KCNIP3: variants seen among roughly 807,000 people sequenced by gnomAD.
KCNIP3 encodes potassium voltage-gated channel interacting protein 3.
Under a neutral mutation model 35.0 loss-of-function variants are expected in KCNIP3, and 28 were observed. The ratio of observed to expected loss-of-function variants is 0.80; its 90% CI spans 0.59 to 1.10. The LOEUF (loss-of-function observed/expected upper bound fraction) is 1.10, where lower values mean the gene tolerates loss of function less well. Among genes scored for constraint, KCNIP3 ranks in the 50% least tolerant of loss-of-function variants. The probability of loss-of-function intolerance (pLI) is 0.00; values close to 1 mark genes in which losing one functional copy is unlikely to be tolerated. For synonymous variants in KCNIP3, 134 were observed against 133.8 expected, an observed-to-expected ratio of 1.00 and a Z score of -0.01; for missense variants, 295 against 338.4, an observed-to-expected ratio of 0.87 and a Z score of 1.01.
intron 1 of KCNIP3, among the ~76,000 whole-genome samples, chr2:95,299,338 G>A (rs1677960119): frequency 6.6e-6 from 1 of 152,212 alleles, no homozygotes; most frequent in Non-Finnish European, 1.5e-5. Context: ...ATGGGAGATT[G>A]TGAAAAATAA....
chr2:95,298,156 C>T (rs1677922926), intron 1 of KCNIP3, among the ~76,000 whole-genome samples: 1 of 152,210 alleles, frequency 6.6e-6, no homozygotes, highest in Admixed American at 6.5e-5. Flanking sequence ...TAAGCTGGCC[C>T]TCCAGCCTCT....
chr2:95,358,125 G>A (rs1213321579), intron 2 of KCNIP3, among the ~76,000 whole-genome samples: 22 of 152,138 alleles, frequency 1.4e-4, no homozygotes, highest in Admixed American at 9.8e-4. Context: ...ACATAGGCTC[G>A]AGAGGTTTTT....
At chr2:95,326,054 CACAT>C (rs959593519) in intron 2 of KCNIP3, among the ~76,000 whole-genome samples, 8 of 151,704 alleles carry the variant, frequency 5.3e-5, no homozygotes, top group Middle Eastern at 3.4e-3. Flanking sequence ...TATACACACA[CACAT>C]ACACATTCAC....
chr2:95,370,551 A>T (rs1320027092), intron 2 of KCNIP3, among the ~76,000 whole-genome samples: 1 of 152,158 alleles, frequency 6.6e-6, no homozygotes, highest in Admixed American at 6.5e-5. Context: ...GGCCAGTTGT[A>T]TATCTTTTTT....
At chr2:95,354,320 G>A (rs1679600402) in intron 2 of KCNIP3, among the ~76,000 whole-genome samples, 1 of 152,224 alleles carries the variant, frequency 6.6e-6, no homozygotes, top group South Asian at 2.1e-4. Flanking sequence ...GCAAGCATCG[G>A]GTGTTCAGTA....
At chr2:95,310,559 G>A (rs1234715037) in intron 2 of KCNIP3, 39 bp downstream of exon 2, 6 of 1,605,920 alleles carry the variant, frequency 3.7e-6, no homozygotes, top group Non-Finnish European at 5.1e-6. Flanking sequence ...GGTGGGGGTG[G>A]GGAGATCTGT....
chr2:95,338,161 T>C (rs1318343395), intron 2 of KCNIP3, among the ~76,000 whole-genome samples: 1 of 152,202 alleles, frequency 6.6e-6, no homozygotes, highest in East Asian at 1.9e-4. Context: ...AGCATGTCAC[T>C]GTGGCACTGC....
chr2:95,302,580 C>T (rs1307755879), intron 1 of KCNIP3, among the ~76,000 whole-genome samples: 2 of 152,238 alleles, frequency 1.3e-5, no homozygotes, highest in Non-Finnish European at 1.5e-5. Flanking sequence ...GGGCGAGGAA[C>T]ACTGACTCTC....
intron 2 of KCNIP3, among the ~76,000 whole-genome samples, chr2:95,358,168 A>G (rs566243626): frequency 6.6e-6 from 1 of 152,208 alleles, no homozygotes; most frequent in East Asian, 1.9e-4. Flanking sequence ...CTTCTCTCCT[A>G]TGTGGCAAGC....
chr2:95,375,009 C>T (rs1680144176), intron 4 of KCNIP3, 92 bp downstream of exon 4: 4 of 1,520,822 alleles, frequency 2.6e-6, no homozygotes, highest in African/African-American at 1.4e-5. Context: ...TTGGTGCTGC[C>T]CCTGTCCCGT....
intron 2 of KCNIP3, among the ~76,000 whole-genome samples, chr2:95,316,411 C>T (rs1573485019): frequency 2.0e-5 from 3 of 152,210 alleles, no homozygotes; most frequent in South Asian, 2.1e-4. Flanking sequence ...ATAACAGAAA[C>T]CCCAAATAAC....
chr2:95,378,052 G>T lies in KCNIP3; in HGVS notation c.447+2844G>T, dbSNP rs1250447122. On this transcript the variant is annotated intron_variant, in intron 5 of 8. Transcript: ENST00000295225. This position sits in a 1 kb window ranked among gnomAD's most constrained non-coding sequence, Gnocchi z 4.0. ...GATAACTTAGAATCTTCACTACTGT[G>T]TAAACCATGCCCAAGCTTCAGTGAT... is the stretch of plus-strand genomic sequence containing the variant. Among the ~76,000 whole-genome samples the T allele has an allele frequency of 6.6e-6, 1 of 152,232 alleles. No homozygotes were observed. The highest frequency in any genetic ancestry group is 1.5e-5 in the Non-Finnish European group (1 of 68,038).
intron 2 of KCNIP3, among the ~76,000 whole-genome samples, chr2:95,341,500 T>C (rs1380056183): frequency 6.6e-6 from 1 of 152,224 alleles, no homozygotes; most frequent in Admixed American, 6.5e-5. Context: ...TGTCATTTCG[T>C]AGGTTGTCTT....
chr2:95,346,920 C>A, intron 2 of KCNIP3: 1 of 631,512 alleles, frequency 1.6e-6, no homozygotes, highest in Non-Finnish European at 2.3e-6. Flanking sequence ...GTCGCCGCCC[C>A]CGAGAGGCCG....
chr2:95,351,123 G>A (rs1437735835), intron 2 of KCNIP3, among the ~76,000 whole-genome samples: 4 of 152,238 alleles, frequency 2.6e-5, no homozygotes, highest in Admixed American at 1.3e-4. Flanking sequence ...TGGGCCCAGC[G>A]GCTTCTCTCT....
At chr2:95,334,401 G>C (rs1289363404) in intron 2 of KCNIP3, among the ~76,000 whole-genome samples, 1 of 152,256 alleles carries the variant, frequency 6.6e-6, no homozygotes, top group Non-Finnish European at 1.5e-5. Flanking sequence ...CTTTGGGGAT[G>C]AAGGAAACTG....
At chr2:95,334,607 T>C (rs1237242994) in intron 2 of KCNIP3, among the ~76,000 whole-genome samples, 1 of 152,202 alleles carries the variant, frequency 6.6e-6, no homozygotes, top group Admixed American at 6.5e-5. Context: ...AGAGAAGAGC[T>C]ACAGCTGGCC....
intron 2 of KCNIP3, among the ~76,000 whole-genome samples, chr2:95,352,403 A>G (rs529351716): frequency 2.4e-4 from 37 of 152,034 alleles, no homozygotes; most frequent in Non-Finnish European, 4.3e-4. Flanking sequence ...GAGGAAGGGT[A>G]GCTGGGGAGG....
chr2:95,380,369 A>G (rs1329596284), intron 5 of KCNIP3, among the ~76,000 whole-genome samples: 1 of 152,148 alleles, frequency 6.6e-6, no homozygotes, highest in Non-Finnish European at 1.5e-5. Context: ...CTCTCATGGT[A>G]CAGACTTCTT....
Sources: gnomAD v4.1 joint callset for allele counts (sites outside exome capture counted in the v4.1 genomes callset) on GRCh38, gnomAD v4.1.1 for gene constraint, Gnocchi (gnomAD v3.1) non-coding constraint, MANE v1.5 for transcripts, NCBI Gene and HGNC (gene_info 2026-07-23, HGNC 2026-07-21) for gene names.